Variants in DHTKD1 observed in about 807,000 individuals in gnomAD.
DHTKD1 encodes dehydrogenase E1 and transketolase domain containing 1.
A neutral mutation model predicts 101.8 loss-of-function variants in DHTKD1; 78 were observed. That is an observed-to-expected ratio of 0.77 (90% CI 0.64 to 0.93). The LOEUF is 0.93. Ranked by LOEUF, DHTKD1 falls within the 40% of genes least tolerant of loss-of-function variation. The pLI is 0.00. For missense variants in DHTKD1, 1,223 were observed against 1,161.7 expected (o/e 1.05, Z -0.77); for synonymous variants, 462 against 450.3 (o/e 1.03, Z -0.33).
At chr10:12,086,810 C>T (rs985399201) in intron 3 of DHTKD1, among the ~76,000 whole-genome samples, 2 of 152,114 alleles carry the variant, frequency 1.3e-5, no homozygotes, top group Admixed American at 1.3e-4. Flanking sequence ...CCTGCCTCAG[C>T]CTCCTGAGTA....
At position 12,119,532 on chromosome 10, in the gene DHTKD1, C is replaced by T. The variant is rs542905768; in HGVS notation, c.2572+614C>T. On this transcript the variant is annotated intron_variant, in intron 15 of 16. Coordinates refer to ENST00000263035, the MANE Select transcript of DHTKD1 (RefSeq NM_018706.7). ...TTGGGAGGCTGACGCAGGAGAATGG[C>T]GTGAACCCGGGAGGCGGAGCTTGCA... Among the ~76,000 whole-genome samples the T allele has an allele frequency of 2.8e-4, 41 of 145,050 alleles. 1 individual carries two copies. Among genetic ancestry groups the T allele is most frequent in the Admixed American group, 2.5e-3 (35 of 13,854 alleles).
At chr10:12,119,635 A>G (rs1483612103) in intron 15 of DHTKD1, among the ~76,000 whole-genome samples, 30 of 147,370 alleles carry the variant, frequency 2.0e-4, no homozygotes, top group African/African-American at 5.5e-4. Flanking sequence ...AAAAAAAAAA[A>G]GAAAGAAAAT....
chr10:12,093,129 C>T (rs996839242), intron 6 of DHTKD1, among the ~76,000 whole-genome samples: 8 of 151,164 alleles, frequency 5.3e-5, no homozygotes, highest in Admixed American at 6.6e-5. Context: ...CCACAACTTG[C>T]ACCTCCCGGG....
rs1213920175 is a variant in DHTKD1 at position 12,107,879 on chromosome 10, G to A, written c.2048-30G>A. The A allele has an allele frequency of 4.7e-6, 7 of 1,474,238 alleles. No individual in the cohort carries two copies. Among genetic ancestry groups the A allele is most frequent in the Non-Finnish European group, 6.6e-6 (7 of 1,054,026 alleles). The allele number at this position is 1,474,238 out of a possible 1,614,324, so 91.3% of individuals were successfully genotyped here. On this transcript the variant is annotated intron_variant, in intron 11 of 16. Transcript: ENST00000263035. This position sits in a 1 kb window ranked among gnomAD's most constrained non-coding sequence, Gnocchi z 4.1. ...GGCCACTTTGTCCCCGCTTCGTAGA[G>A]CTCTTACTCCCCACGTGGTACTTTT...
At chr10:12,100,088 GC>G in intron 8 of DHTKD1, 89 bp from the exon 9 acceptor site, 1 of 724,702 alleles carries the variant, frequency 1.4e-6, no homozygotes, top group Non-Finnish European at 2.3e-6. Flanking sequence ...GAGCCACCAT[GC>G]CTGGCCTGCA....
At chr10:12,082,221 G>GT (rs1184376228) in intron 2 of DHTKD1, among the ~76,000 whole-genome samples, 1 of 152,126 alleles carries the variant, frequency 6.6e-6, no homozygotes, top group Non-Finnish European at 1.5e-5. Flanking sequence ...AGTAGTTATT[G>GT]TCCTCTTTAT....
intron 14 of DHTKD1, among the ~76,000 whole-genome samples, 200 bp from the exon 15 acceptor site, chr10:12,118,549 A>AT (rs1177380783): frequency 1.4e-4 from 21 of 151,736 alleles, no homozygotes; most frequent in Non-Finnish European, 2.4e-4. Flanking sequence ...CGCCCGGCTA[A>AT]TTTTTTGTAT....
chr10:12,106,431 G>C (rs777558483), intron 11 of DHTKD1, 35 bp downstream of exon 11: 7 of 1,610,032 alleles, frequency 4.3e-6, no homozygotes, highest in Non-Finnish European at 5.9e-6. Context: ...TACAGGTGGG[G>C]GTCCCTGCGT....
At chr10:12,097,359 A>G (rs1833085427) in intron 7 of DHTKD1, among the ~76,000 whole-genome samples, 1 of 152,026 alleles carries the variant, frequency 6.6e-6, no homozygotes. Context: ...TGCAACCTCT[A>G]CCACTTAGGT....
intron 14 of DHTKD1, 107 bp downstream of exon 14, chr10:12,117,862 T>TTTTATTTATTTA (rs781435056): frequency 7.9e-4 from 56 of 70,510 alleles, no homozygotes; most frequent in African/African-American, 3.6e-3. Context: ...CCTCTCCTAT[T>TTTTATTTATTTA]TTTATTTATT....
intron 1 of DHTKD1, among the ~76,000 whole-genome samples, chr10:12,079,014 G>A (rs1224729110): frequency 6.6e-6 from 1 of 152,134 alleles, no homozygotes. Context: ...CTAATCATGA[G>A]TTGGGGGGAG....
chr10:12,116,934 C>T (rs911542404), intron 13 of DHTKD1, among the ~76,000 whole-genome samples: 1 of 152,032 alleles, frequency 6.6e-6, no homozygotes, highest in Admixed American at 6.6e-5. Context: ...CTTGTGAGTT[C>T]AAGCAATCCA....
chr10:12,118,994 G>A (rs1205035166), intron 15 of DHTKD1, 76 bp downstream of exon 15: 5 of 1,350,120 alleles, frequency 3.7e-6, no homozygotes, highest in African/African-American at 1.5e-5. Context: ...ATGAAAAGAT[G>A]TGGTGGGGGT....
chr10:12,076,995 A>AAAAAAAAAAAAAAG (rs1554790544), intron 1 of DHTKD1, among the ~76,000 whole-genome samples: 1 of 128,058 alleles, frequency 7.8e-6, no homozygotes, highest in Non-Finnish European at 1.6e-5. Flanking sequence ...AAAAAAAAAA[A>AAAAAAAAAAAAAAG]GGAAGAAAAA....
rs775948480 is a variant in DHTKD1 at position 12,084,700 on chromosome 10, G to A, written c.471G>A (p.Thr157=). The A allele has an allele frequency of 2.0e-5, 33 of 1,613,980 alleles. No individual in the cohort carries two copies. The highest frequency in any genetic ancestry group is 2.6e-5 in the Non-Finnish European group (31 of 1,180,034). Residue 157 remains threonine, a synonymous_variant, in exon 3 of 17, where the codon ACG becomes ACA. Transcript: ENST00000263035. ...GGTTTGAGGAACTGCAAAAGGAGAC[G>A]TTTACCACAGAAGAGCGAAAACATC... is the stretch of plus-strand genomic sequence containing the variant. ...AKRFEELQKE[T]FTTEERKHLS... is the part of the protein sequence containing the mutation.
At chr10:12,095,179 A>G (rs770424798) in intron 7 of DHTKD1, among the ~76,000 whole-genome samples, 63 of 152,202 alleles carry the variant, frequency 4.1e-4, no homozygotes, top group Non-Finnish European at 7.9e-4. Flanking sequence ...AATGTTCAGA[A>G]CCATGCTGTC....
chr10:12,084,202 G>T (rs1378356138), intron 2 of DHTKD1, among the ~76,000 whole-genome samples: 3 of 152,070 alleles, frequency 2.0e-5, no homozygotes, highest in African/African-American at 7.2e-5. Context: ...GATTACAGGC[G>T]TGAGCCACGG....
intron 12 of DHTKD1, among the ~76,000 whole-genome samples, chr10:12,111,889 C>T (rs1222161769): frequency 6.6e-6 from 1 of 152,066 alleles, no homozygotes; most frequent in African/African-American, 2.4e-5. Flanking sequence ...AAAGTAAGAC[C>T]ATTGGTGTGA....
Position 12,087,779 on chromosome 10 carries a change from CAG to C in DHTKD1, c.717+52_717+53del, listed in dbSNP as rs2131357493. The C allele has an allele frequency of 3.5e-6, 5 of 1,424,988 alleles. No homozygotes were observed. In the East Asian group the frequency reaches 1.2e-4, roughly 35 times the overall value. 88.3% of individuals were successfully genotyped at this position (1,424,988 alleles called of 1,614,324 possible). On this transcript the variant is annotated intron_variant, in intron 4 of 16. Transcript: ENST00000263035. The surrounding 1 kb of genome is among the most constrained non-coding windows in gnomAD (Gnocchi z 5.2). ...AGTAGCACTATATGATTGATTGTAA[CAG>C]AATAAAACTGCTGGTTTCATTCTGG...
Sources: gnomAD v4.1 joint callset for allele counts (sites outside exome capture counted in the v4.1 genomes callset) on GRCh38, gnomAD v4.1.1 for gene constraint, Gnocchi (gnomAD v3.1) non-coding constraint, MANE v1.5 for transcripts, NCBI Gene and HGNC (gene_info 2026-07-23, HGNC 2026-07-21) for gene names.